Variants in CAPN1 observed in about 807,000 individuals in gnomAD.
The protein encoded by CAPN1 is calpain-1 catalytic subunit.
A neutral mutation model predicts 105.2 loss-of-function variants in CAPN1; 77 were observed. The ratio of observed to expected loss-of-function variants is 0.73; its 90% CI spans 0.61 to 0.88. The LOEUF (loss-of-function observed/expected upper bound fraction) is 0.88, where lower values mean the gene tolerates loss of function less well. CAPN1 is among the 40% of genes least tolerant of loss of function. The probability of loss-of-function intolerance (pLI) is 0.00; values close to 1 mark genes in which losing one functional copy is unlikely to be tolerated. For missense variants in CAPN1, 833 were observed against 976.6 expected (o/e 0.85, Z 1.96); for synonymous variants, 355 against 388.8 (o/e 0.91, Z 1.02).
chr11:65,206,691 C>T lies in CAPN1; in HGVS notation c.1565+17C>T, dbSNP rs755996665. 1.2e-6 allele frequency: 2 copies of T among 1,611,364 alleles called. No homozygotes were observed. The highest frequency in any genetic ancestry group is 1.7e-5 in the Admixed American group (1 of 59,870). ...TGGGACTGTGTGAGTCATGGACTGG[C>T]CCCTGCCACTCTCCCCTCTCCCAGC... On this transcript the variant is annotated intron_variant, in intron 13 of 21. Transcript: ENST00000279247.
rs140244683 is a variant in CAPN1, at chr11:65,205,676, C to T, written c.1342-34C>T. 3.1e-5 allele frequency: 50 copies of T among 1,612,560 alleles called. No homozygotes were observed. In the East Asian group the frequency reaches 1.1e-3, roughly 35 times the overall value. ...CTGTGACCCCGCCCTGGGACAAACA[C>T]ACATCTCTGACTTCCCCTGTCTCTC... On this transcript the variant is annotated intron_variant, in intron 11 of 21. Coordinates refer to ENST00000279247, the MANE Select transcript of CAPN1 (RefSeq NM_005186.4).
chr11:65,188,740 T>C lies in CAPN1; in HGVS notation c.1159T>C (p.Tyr387His). ...RGSTAGGCRN[Y>H]PATFWVNPQF... ...GAGCACCGCGGGGGGCTGCCGAAAC[T>C]ACCCAGGTGCACAGGGGCGGGCTCT... Residue 387 changes from tyrosine to histidine, a missense_variant, in exon 10 of 22, where the codon TAC becomes CAC. Tyr to His is a moderately conservative substitution (Grantham distance 83, BLOSUM62 2). Transcript: ENST00000279247. This position sits in a 1 kb window ranked among gnomAD's most constrained non-coding sequence, Gnocchi z 5.5. The C allele has an allele frequency of 1.3e-6, 2 of 1,565,836 alleles. No homozygotes were observed. The highest frequency in any genetic ancestry group is 1.7e-6 in the Non-Finnish European group (2 of 1,155,426).
At chr11:65,207,954 G>A (rs1948986247) in intron 14 of CAPN1, 101 bp from the exon 15 acceptor site, 1 of 759,868 alleles carries the variant, frequency 1.3e-6, no homozygotes, top group Admixed American at 2.8e-5. Flanking sequence ...GAGAAGCGAA[G>A]TGACTTGTAG....
chr11:65,195,395 A>G (rs7116556), intron 10 of CAPN1, among the ~76,000 whole-genome samples: 109,188 of 151,974 alleles, frequency 0.72, 40,435 homozygotes, highest in Middle Eastern at 0.86. Flanking sequence ...CAAAGTGCTG[A>G]GATTACAGGT....
At position 65,182,717 on chromosome 11, in the gene CAPN1, A is replaced by G; in HGVS notation, c.16A>G (p.Ile6Val). Reference sequence around the variant, plus strand: ...GTCCGGCAGGATGTCGGAGGAGATCATCACGCCGGTGTACTGCACTGGGGT... The same window carrying G: ...GTCCGGCAGGATGTCGGAGGAGATCGTCACGCCGGTGTACTGCACTGGGGT... Reference protein sequence around the residue: MSEEIITPVYCTGVSA... With the variant: MSEEIVTPVYCTGVSA... Residue 6 changes from isoleucine to valine, a missense_variant, in exon 2 of 22, where the codon ATC becomes GTC. Coordinates refer to ENST00000279247, the MANE Select transcript of CAPN1 (RefSeq NM_005186.4). The G allele has an allele frequency of 6.4e-7, 1 of 1,572,302 alleles. No individual in the cohort carries two copies. The highest frequency in any genetic ancestry group is 8.6e-7 in the Non-Finnish European group (1 of 1,158,388).
At position 65,206,262 on chromosome 11, in the gene CAPN1, G is replaced by A. The variant is rs1367367113; in HGVS notation, c.1354-201G>A. 11 of 599,030 alleles carry A rather than the reference G, an allele frequency of 1.8e-5. No homozygotes were observed. In the African/African-American group the frequency reaches 1.9e-4, roughly 10 times the overall value. The allele number at this position is 599,030 out of a possible 1,614,324, so 37.1% of individuals were successfully genotyped here. ...GTGCTCCTCTCCTCTACCCTCTGCAGTGAGTAGGGTTGTTACATTTTACAG... is the reference window on the plus strand; with the variant it reads ...GTGCTCCTCTCCTCTACCCTCTGCAATGAGTAGGGTTGTTACATTTTACAG... On this transcript the variant is annotated intron_variant, in intron 12 of 21. Transcript: ENST00000279247.
At position 65,182,794 on chromosome 11, in the gene CAPN1, T is replaced by C; in HGVS notation, c.93T>C (p.His31=). The C allele has an allele frequency of 6.3e-7, 1 of 1,582,600 alleles. No individual in the cohort carries two copies. Among genetic ancestry groups the C allele is most frequent in the Non-Finnish European group, 8.6e-7 (1 of 1,164,026 alleles). The change falls in exon 2 of 22, where the codon CAT becomes CAC. Residue 31 remains histidine (H), a synonymous_variant. Coordinates refer to ENST00000279247, the MANE Select transcript of CAPN1 (RefSeq NM_005186.4). ...CCAGGGAGCTGGGCCTGGGCCGCCA[T>C]GAGAATGCCATCAAGTACCTGGGCC... ...QRARELGLGR[H]ENAIKYLGQD...
Position 65,209,715 on chromosome 11 carries a change from A to G in CAPN1, c.1795-134A>G. On this transcript the variant is annotated intron_variant, in intron 17 of 21. Coordinates refer to ENST00000279247, the MANE Select transcript of CAPN1 (RefSeq NM_005186.4). The surrounding 1 kb of genome is among the most constrained non-coding windows in gnomAD (Gnocchi z 4.1). ...AAGCCCGGCTGTGGGCTGACTGTAC[A>G]TGGCTTTTGCTGCTTCTCCTCACCC... 2 of 847,290 alleles carry G rather than the reference A, an allele frequency of 2.4e-6. No individual in the cohort carries two copies. The highest frequency in any genetic ancestry group is 1.6e-5 in the South Asian group (1 of 61,494). The allele number at this position is 847,290 out of a possible 1,614,324, so 52.5% of individuals were successfully genotyped here.
At chr11:65,184,430 G>A (rs1048886398) in intron 4 of CAPN1, among the ~76,000 whole-genome samples, 11 of 147,706 alleles carry the variant, frequency 7.4e-5, no homozygotes, top group Admixed American at 1.3e-4. Flanking sequence ...TTCAGTACCC[G>A]CCACCCACAC....
chr11:65,182,684 G>T lies in CAPN1; in HGVS notation c.-1-17G>T. The T allele has an allele frequency of 6.6e-7, 1 of 1,526,426 alleles. No homozygotes were observed. Among genetic ancestry groups the T allele is most frequent in the Non-Finnish European group, 8.8e-7 (1 of 1,135,762 alleles). 94.6% of individuals were successfully genotyped at this position (1,526,426 alleles called of 1,614,324 possible). A position where few individuals can be genotyped will look rare whatever the true frequency, so the allele number is the denominator to read the frequency against. On this transcript the variant is annotated splice_polypyrimidine_tract_variant and intron_variant, in intron 1 of 21. Transcript: ENST00000279247. ...TTGGGAAGGCCTGGGTTCTGAGCAG[G>T]CCCATCTGTCCGGCAGGATGTCGGA...
chr11:65,193,011 T>C (rs1334132761), intron 10 of CAPN1, among the ~76,000 whole-genome samples: 1 of 151,538 alleles, frequency 6.6e-6, no homozygotes, highest in African/African-American at 2.4e-5. Context: ...GACAGAGTCT[T>C]GCTCTGTCGC....
rs777149581 is a variant in CAPN1 at position 65,182,961 on chromosome 11, G to T, written c.260G>T (p.Arg87Leu). The change falls in exon 2 of 22, where the codon CGT becomes CTT. Residue 87 changes from arginine to leucine, a missense_variant. By Grantham distance (102) the Arg-to-Leu change is moderately radical. Transcript: ENST00000279247. The stretch of plus-strand genomic sequence containing the variant: ...AAGACCTATGGCATCAAGTGGAAGC[G>T]TCCCACGGTGAGAGGGGCCATCCTG... Reference protein sequence around the residue: ...SSKTYGIKWKRPTELLSNPQF... With the variant: ...SSKTYGIKWKLPTELLSNPQF... 6.2e-7 allele frequency: 1 copy of T among 1,613,390 alleles called. No individual in the cohort carries two copies. The highest frequency in any genetic ancestry group is 2.2e-5 in the East Asian group (1 of 44,866).
chr11:65,210,509 G>C lies in CAPN1; in HGVS notation c.2059+57G>C. The stretch of plus-strand genomic sequence containing the variant: ...GCTCCGTCCCAAACGCGTCCCCCAG[G>C]AGCTGGGGGGAATGACAGATGGGTG... On this transcript the variant is annotated intron_variant, in intron 20 of 21. Transcript: ENST00000279247. This position sits in a 1 kb window ranked among gnomAD's most constrained non-coding sequence, Gnocchi z 4.3. 1.9e-6 allele frequency: 2 copies of C among 1,026,344 alleles called. No individual in the cohort carries two copies. Among genetic ancestry groups the C allele is most frequent in the Non-Finnish European group, 3.0e-6 (2 of 662,746 alleles). 63.6% of individuals were successfully genotyped at this position (1,026,344 alleles called of 1,614,324 possible). A position where few individuals can be genotyped will look rare whatever the true frequency, so the allele number is the denominator to read the frequency against.
intron 10 of CAPN1, among the ~76,000 whole-genome samples, chr11:65,201,740 G>C (rs1360246916): frequency 1.3e-5 from 2 of 151,384 alleles, no homozygotes; most frequent in South Asian, 4.2e-4. Flanking sequence ...GGATGGTCTC[G>C]ATCTCCTGAC....
chr11:65,207,987 C>A, intron 14 of CAPN1, 68 bp from the exon 15 acceptor site: 1 of 1,213,458 alleles, frequency 8.2e-7, no homozygotes, highest in Non-Finnish European at 1.2e-6. Flanking sequence ...CTCAGCCCTC[C>A]CTCCAGCTGC....
Position 65,209,386 on chromosome 11 carries a change from A to G in CAPN1, c.1793A>G (p.Asp598Gly), listed in dbSNP as rs1949010674. 1 of 1,613,186 alleles carries G rather than the reference A, an allele frequency of 6.2e-7. No individual in the cohort carries two copies. The highest frequency in any genetic ancestry group is 8.5e-7 in the Non-Finnish European group (1 of 1,179,418). ...ESCRSMVNLM[D>G]RDGNGKLGLV... ...TGCCGCAGCATGGTGAACCTCATGG[A>G]TGTATCCTTCCGTTTGCTTTTGTCT... Residue 598 changes from aspartate to glycine, a missense_variant and splice_region_variant, in exon 17 of 22, where the codon GAT (aspartate) becomes GGT (glycine). Coordinates refer to ENST00000279247, the MANE Select transcript of CAPN1 (RefSeq NM_005186.4). The surrounding 1 kb of genome is among the most constrained non-coding windows in gnomAD (Gnocchi z 4.1).
chr11:65,202,076 C>T (rs1376748136), intron 10 of CAPN1, among the ~76,000 whole-genome samples: 6 of 152,202 alleles, frequency 3.9e-5, no homozygotes, highest in African/African-American at 9.6e-5. Context: ...CCACCCGCCT[C>T]GGCCTCCCAC....
intron 6 of CAPN1, 25 bp from the exon 7 acceptor site, chr11:65,187,189 AC>A: frequency 6.3e-7 from 1 of 1,589,642 alleles, no homozygotes; most frequent in Non-Finnish European, 8.6e-7. Context: ...CTAGCCACTG[AC>A]CACAGTGTGT....
intron 3 of CAPN1, 107 bp from the exon 4 acceptor site, chr11:65,183,367 G>A (rs1948575996): frequency 4.6e-6 from 5 of 1,097,618 alleles, no homozygotes; most frequent in South Asian, 1.3e-5. Context: ...AAGCTGAGGG[G>A]AGTTAAGTGG....
Sources: gnomAD v4.1 joint callset for allele counts (sites outside exome capture counted in the v4.1 genomes callset) on GRCh38, gnomAD v4.1.1 for gene constraint, Gnocchi (gnomAD v3.1) non-coding constraint, MANE v1.5 for transcripts, NCBI Gene and HGNC (gene_info 2026-07-23, HGNC 2026-07-21) for gene names.